KDM4B: variants seen among roughly 807,000 people sequenced by gnomAD.
The protein encoded by KDM4B is lysine-specific demethylase 4B.
KDM4B carries 32 observed loss-of-function variants against 125.2 expected under a neutral mutation model. The ratio of observed to expected loss-of-function variants is 0.26; its 90% CI spans 0.19 to 0.34. The LOEUF (loss-of-function observed/expected upper bound fraction) is 0.34. KDM4B is among the 10% of genes least tolerant of loss of function. The pLI, the probability that KDM4B is intolerant of heterozygous loss-of-function variation, is 1.00. For synonymous variants in KDM4B, 721 were observed against 677.9 expected (o/e 1.06, Z -0.99); for missense variants, 1,190 against 1,577.7 (o/e 0.75, Z 4.16).
intron 6 of KDM4B, among the ~76,000 whole-genome samples, chr19:5,069,076 C>A (rs150488455): frequency 6.6e-6 from 1 of 152,236 alleles, no homozygotes; most frequent in African/African-American, 2.4e-5. Flanking sequence ...ATTAAAATTT[C>A]TCATCTTTAT....
chr19:4,974,327 G>A (rs769217111), intron 1 of KDM4B, among the ~76,000 whole-genome samples: 5 of 151,336 alleles, frequency 3.3e-5, no homozygotes, highest in Non-Finnish European at 5.9e-5. Context: ...GTGTGAACCC[G>A]AGAGGCGGAG....
At chr19:5,139,753 C>A (rs1338578810) in intron 18 of KDM4B, among the ~76,000 whole-genome samples, 1 of 152,270 alleles carries the variant, frequency 6.6e-6, no homozygotes, top group African/African-American at 2.4e-5. Context: ...TTCGCCCATT[C>A]CGTGCCTGGG....
intron 1 of KDM4B, among the ~76,000 whole-genome samples, chr19:5,004,026 T>G (rs993456230): frequency 7.2e-5 from 11 of 152,306 alleles, no homozygotes; most frequent in African/African-American, 2.4e-4. Flanking sequence ...TTTCGTGTTA[T>G]TTTTTAGAGT....
intron 1 of KDM4B, among the ~76,000 whole-genome samples, chr19:5,010,682 CT>C (rs575507683): frequency 6.6e-6 from 1 of 152,194 alleles, no homozygotes; most frequent in Non-Finnish European, 1.5e-5. Context: ...GAGTCTCACT[CT>C]TTTGCCCAGG....
intron 5 of KDM4B, among the ~76,000 whole-genome samples, chr19:5,044,863 T>G (rs1244888840): frequency 6.6e-6 from 1 of 152,198 alleles, no homozygotes. Context: ...GGTAGCCTTT[T>G]CCCATTGGCC....
Position 5,142,455 on chromosome 19 carries a change from G to A in KDM4B, c.2551-1512G>A, listed in dbSNP as rs2039762181. On this transcript the variant is annotated intron_variant, in intron 18 of 22. Transcript: ENST00000159111. This position sits in a 1 kb window ranked among gnomAD's most constrained non-coding sequence, Gnocchi z 5.4. Reference sequence around the variant, plus strand: ...GACAAATGGTCCCATGGGTCCGGGGGCACGCTTTTCACAACGTGGAGATGC... The same window carrying A: ...GACAAATGGTCCCATGGGTCCGGGGACACGCTTTTCACAACGTGGAGATGC... Among the ~76,000 whole-genome samples, 1 of 152,210 alleles carries A rather than the reference G, an allele frequency of 6.6e-6. No homozygotes were observed. The highest frequency in any genetic ancestry group is 6.5e-5 in the Admixed American group (1 of 15,288).
intron 10 of KDM4B, chr19:5,113,957 C>A (rs1001264300): frequency 1.6e-6 from 2 of 1,228,454 alleles, no homozygotes; most frequent in Admixed American, 5.5e-5. Context: ...TCCCTGCTCG[C>A]CACCTTACAT....
intron 6 of KDM4B, among the ~76,000 whole-genome samples, chr19:5,051,745 A>G (rs1207934848): frequency 6.6e-6 from 1 of 152,230 alleles, no homozygotes; most frequent in Non-Finnish European, 1.5e-5. Context: ...GAAGCCCCCA[A>G]GAGCAGCGGG....
chr19:5,119,820 T>C lies in KDM4B; in HGVS notation c.1283T>C (p.Leu428Pro), dbSNP rs1192419371. Reference protein sequence around the residue: ...PEEEEEEPQPLPHGREAEGAE... With the variant: ...PEEEEEEPQPPPHGREAEGAE... ...GAGGAGGAGGAGGAGCCGCAGCCAC[T>C]GCCACACGGCCGGGAGGCCGAGGGC... Residue 428 changes from leucine (L) to proline (P), a missense_variant, in exon 11 of 23, where the codon CTG (leucine) becomes CCG (proline). Transcript: ENST00000159111. The C allele has an allele frequency of 3.2e-6, 5 of 1,544,632 alleles. No individual in the cohort carries two copies. In the South Asian group the frequency reaches 3.6e-5, roughly 11 times the overall value.
At chr19:5,123,005 C>T (rs1302470384) in intron 11 of KDM4B, among the ~76,000 whole-genome samples, 3 of 152,222 alleles carry the variant, frequency 2.0e-5, no homozygotes, top group Non-Finnish European at 2.9e-5. Context: ...CCTCAGGGCA[C>T]GTTTCCTGGA....
chr19:5,135,330 C>G lies in KDM4B; in HGVS notation c.2086-9C>G, dbSNP rs544391664. ...GCTCTGTCCCCTGAAGGTCGCCTCT[C>G]CCCTACAGGCCCTACAGACTGAGAA... is the stretch of plus-strand genomic sequence containing the variant. On this transcript the variant is annotated splice_polypyrimidine_tract_variant and intron_variant, in intron 14 of 22. Coordinates refer to ENST00000159111, the MANE Select transcript of KDM4B (RefSeq NM_015015.3). 3.8e-6 allele frequency: 6 copies of G among 1,593,974 alleles called. No individual in the cohort carries two copies. Among genetic ancestry groups the G allele is most frequent in the South Asian group, 2.2e-5 (2 of 90,710 alleles).
At position 5,141,903 on chromosome 19, in the gene KDM4B, G is replaced by C. The variant is rs2039750962; in HGVS notation, c.2551-2064G>C. 6.6e-6 allele frequency among the ~76,000 whole-genome samples: 1 copy of C among 152,104 alleles called. No homozygotes were observed. Among genetic ancestry groups the C allele is most frequent in the Non-Finnish European group, 1.5e-5 (1 of 67,986 alleles). ...AGGGCAGCAGGAGGGGTGGGCAGTT[G>C]CACCAGCTCTCTCCACTGCCCACAG... On this transcript the variant is annotated intron_variant, in intron 18 of 22. Transcript: ENST00000159111. The surrounding 1 kb of genome is among the most constrained non-coding windows in gnomAD (Gnocchi z 6.4).
At chr19:5,019,827 T>C (rs2036039149) in intron 2 of KDM4B, among the ~76,000 whole-genome samples, 1 of 142,710 alleles carries the variant, frequency 7.0e-6, no homozygotes, top group Non-Finnish European at 1.5e-5. Context: ...GTGGACGGTG[T>C]GCAGATGTTG....
rs75585006 is a variant in KDM4B at position 5,115,822 on chromosome 19, C to G, written c.1116-3831C>G. ...CAAGCCCACAGTGGATTGGGAGGCC[C>G]TTGAAGAATCCCCTCCCACAGCACT... On this transcript the variant is annotated intron_variant, in intron 10 of 22. Transcript: ENST00000159111. The surrounding 1 kb of genome is among the most constrained non-coding windows in gnomAD (Gnocchi z 4.2). 0.014 allele frequency among the ~76,000 whole-genome samples: 2,091 copies of G among 152,232 alleles called. 47 individuals carry two copies. Among genetic ancestry groups the G allele is most frequent in the African/African-American group, 0.048 (1,987 of 41,552 alleles).
chr19:5,066,870 C>A (rs1162208027), intron 6 of KDM4B, among the ~76,000 whole-genome samples: 3 of 152,322 alleles, frequency 2.0e-5, no homozygotes, highest in East Asian at 3.9e-4. Context: ...ACAGCCAGGG[C>A]TTTGAGAACA....
intron 11 of KDM4B, 87 bp downstream of exon 11, chr19:5,119,939 A>G: frequency 7.0e-7 from 1 of 1,435,366 alleles, no homozygotes; most frequent in South Asian, 1.3e-5. Flanking sequence ...TGCTACAGCC[A>G]GAGTCCCCGT....
chr19:5,116,751 C>T (rs751214762), intron 10 of KDM4B, among the ~76,000 whole-genome samples: 1 of 152,048 alleles, frequency 6.6e-6, no homozygotes, highest in Non-Finnish European at 1.5e-5. Context: ...GAATGCGGCC[C>T]GAGTTGCTCT....
At chr19:5,130,880 G>T (rs2039530068) in intron 11 of KDM4B, among the ~76,000 whole-genome samples, 196 bp from the exon 12 acceptor site, 2 of 152,258 alleles carry the variant, frequency 1.3e-5, no homozygotes, top group Admixed American at 1.3e-4. Context: ...AGGCCTGGGG[G>T]TGCCTGGCCA....
intron 6 of KDM4B, among the ~76,000 whole-genome samples, chr19:5,050,197 C>G (rs2037174918): frequency 6.6e-6 from 1 of 152,228 alleles, no homozygotes; most frequent in South Asian, 2.1e-4. Context: ...TTTATTAAAG[C>G]TTTCTGGGTC....
Sources: gnomAD v4.1 joint callset for allele counts (sites outside exome capture counted in the v4.1 genomes callset) on GRCh38, gnomAD v4.1.1 for gene constraint, Gnocchi (gnomAD v3.1) non-coding constraint, MANE v1.5 for transcripts, NCBI Gene and HGNC (gene_info 2026-07-23, HGNC 2026-07-21) for gene names.